DHX37: variants seen among roughly 807,000 people sequenced by gnomAD.
The protein encoded by DHX37 is probable ATP-dependent RNA helicase DHX37.
In DHX37, 52 loss-of-function variants were observed where a neutral mutation model predicts 134.3. The ratio of observed to expected loss-of-function variants is 0.39; its 90% confidence interval spans 0.31 to 0.49. DHX37 has a LOEUF of 0.49. Among genes scored for constraint, DHX37 ranks in the 20% least tolerant of loss-of-function variants. The pLI, the probability that DHX37 is intolerant of heterozygous loss-of-function variation, is 0.93. For missense variants in DHX37, 1,344 were observed against 1,580.8 expected (o/e 0.85, Z 2.54); for synonymous variants, 634 against 670.7 (o/e 0.95, Z 0.85).
Position 124,960,251 on chromosome 12 carries a change from T to C in DHX37, c.2157+61A>G, listed in dbSNP as rs1954205598. On this transcript the variant is annotated intron_variant, in intron 16 of 26. Transcript: ENST00000308736. ...CAGACCCAGCTCTGGGCTCCCTGCC[T>C]CAGGGAAAGGGAGGTGGTCCACTGG... The C allele has an allele frequency of 4.5e-6, 7 of 1,571,940 alleles. 1 individual carries two copies. In the South Asian group the frequency reaches 8.0e-5, roughly 18 times the overall value.
intron 24 of DHX37, 42 bp from the exon 25 acceptor site, chr12:124,950,101 C>T: frequency 5.0e-6 from 8 of 1,613,864 alleles, no homozygotes; most frequent in Non-Finnish European, 6.8e-6. Flanking sequence ...CGGGCTGCTG[C>T]TGCCCACGGT....
At chr12:124,967,523 G>T (rs1217241549) in intron 10 of DHX37, among the ~76,000 whole-genome samples, 1 of 152,148 alleles carries the variant, frequency 6.6e-6, no homozygotes, top group Non-Finnish European at 1.5e-5. Context: ...ACAGCGCCGC[G>T]GCTGCCCTGA....
At chr12:124,956,952 A>G (rs1954110445) in intron 17 of DHX37, 73 bp from the exon 18 acceptor site, 1 of 1,533,544 alleles carries the variant, frequency 6.5e-7, no homozygotes, top group Non-Finnish European at 8.8e-7. Flanking sequence ...CCCACGCTTG[A>G]GGCAGCTCAG....
chr12:124,963,641 G>A (rs948579053), intron 15 of DHX37, among the ~76,000 whole-genome samples: 7 of 151,586 alleles, frequency 4.6e-5, no homozygotes, highest in African/African-American at 9.7e-5. Flanking sequence ...AGGCCGAGGC[G>A]GGTGGATCAC....
At chr12:124,971,966 A>T (rs1166544368) in intron 7 of DHX37, among the ~76,000 whole-genome samples, 1 of 152,220 alleles carries the variant, frequency 6.6e-6, no homozygotes, top group East Asian at 1.9e-4. Context: ...AGTCCTTGGG[A>T]CGCAGCTTCT....
At position 124,980,403 on chromosome 12, in the gene DHX37, T is replaced by A; in HGVS notation, c.738+87A>T. The A allele has an allele frequency of 7.1e-7, 1 of 1,401,010 alleles. No individual in the cohort carries two copies. The highest frequency in any genetic ancestry group is 9.6e-7 in the Non-Finnish European group (1 of 1,036,438). 86.8% of individuals were successfully genotyped at this position (1,401,010 alleles called of 1,614,324 possible). A position where few individuals can be genotyped will look rare whatever the true frequency, so the allele number is the denominator to read the frequency against. ...GGGACATGGAGGCACAGAGAAGGGA[T>A]GCCCTTGCCCCACTTCACCAGGACG... On this transcript the variant is annotated intron_variant, in intron 4 of 26. Coordinates refer to ENST00000308736, the MANE Select transcript of DHX37 (RefSeq NM_032656.4). This position sits in a 1 kb window ranked among gnomAD's most constrained non-coding sequence, Gnocchi z 5.3.
chr12:124,960,289 C>CGGGGCTG lies in DHX37; in HGVS notation c.2157+16_2157+22dup, dbSNP rs374833555. 660 of 1,601,416 alleles carry CGGGGCTG rather than the reference C, an allele frequency of 4.1e-4. 7 individuals are homozygous for CGGGGCTG. The African/African-American group carries it at 7.8e-3, about 19-fold the overall frequency. On this transcript the variant is annotated intron_variant, in intron 16 of 26. Coordinates refer to ENST00000308736, the MANE Select transcript of DHX37 (RefSeq NM_032656.4). ...GGTGGTCCACTGGGGTGGCTGAGAG[C>CGGGGCTG]GGGGCTGGGGGCAGCAACTGACCTT...
At chr12:124,979,820 T>G (rs1249668049) in intron 4 of DHX37, among the ~76,000 whole-genome samples, 1 of 152,202 alleles carries the variant, frequency 6.6e-6, no homozygotes, top group African/African-American at 2.4e-5. Context: ...AGCAAACGTT[T>G]GTGGTGTGAA....
In DHX37 at chr12:124,947,775, T is replaced by G. The variant is rs752655133; in HGVS notation, c.*27A>C. 1 of 1,538,768 alleles carries G rather than the reference T, an allele frequency of 6.5e-7. No homozygotes were observed. The highest frequency in any genetic ancestry group is 2.3e-5 in the East Asian group (1 of 44,168). ...GCCAGCCCTCCAGTCCCCAAACCAG[T>G]CCTCGGCCCTGCAGCCAGGTTTCTG... On this transcript the variant is annotated 3_prime_UTR_variant, in exon 27 of 27. Coordinates refer to ENST00000308736, the MANE Select transcript of DHX37 (RefSeq NM_032656.4).
At position 124,968,937 on chromosome 12, in the gene DHX37, G is replaced by A; in HGVS notation, c.1223C>T (p.Ser408Leu). 1 of 1,614,100 alleles carries A rather than the reference G, an allele frequency of 6.2e-7. No homozygotes were observed. Among genetic ancestry groups the A allele is most frequent in the Non-Finnish European group, 8.5e-7 (1 of 1,180,022 alleles). The change falls in exon 9 of 27, where the codon TCG becomes TTG. Residue 408 changes from serine (S) to leucine (L), a missense_variant. This residue lies in a region of DHX37 where 289 missense variants were observed against 323.8 expected (regional missense o/e 0.89). Coordinates refer to ENST00000308736, the MANE Select transcript of DHX37 (RefSeq NM_032656.4). ...GAAGTCCTCCACCCGCAGCGTGGCC[G>A]ACATGATGAGCAGCTTGAGTGGCAG... ...RNLPLKLLIM[S>L]ATLRVEDFTQ...
intron 2 of DHX37, among the ~76,000 whole-genome samples, chr12:124,983,456 T>C (rs964567875): frequency 1.4e-4 from 18 of 130,310 alleles, no homozygotes; most frequent in African/African-American, 4.2e-4. Flanking sequence ...GAACAAGGTA[T>C]AGCACAGCGG....
At chr12:124,963,754 C>T (rs1954318800) in intron 15 of DHX37, among the ~76,000 whole-genome samples, 1 of 151,070 alleles carries the variant, frequency 6.6e-6, no homozygotes, top group Admixed American at 6.6e-5. Flanking sequence ...GTGGCAGGTG[C>T]CTGTAGTCCC....
intron 16 of DHX37, among the ~76,000 whole-genome samples, chr12:124,958,621 AT>A (rs891557552): frequency 1.1e-4 from 17 of 151,712 alleles, no homozygotes; most frequent in African/African-American, 4.1e-4. Context: ...GGCATCCATG[AT>A]TCTTTTTTTT....
rs1221862967 is a variant in DHX37, at chr12:124,949,807, C to T, written c.3290+179G>A. On this transcript the variant is annotated intron_variant, in intron 25 of 26. Transcript: ENST00000308736. The surrounding 1 kb of genome is among the most constrained non-coding windows in gnomAD (Gnocchi z 4.0). Reference sequence around the variant, plus strand: ...GCCCAGGAGGCCGACAGAGGCAAGACGGACCCTCCCCGAGAGCCGCTGCAC... The same window carrying T: ...GCCCAGGAGGCCGACAGAGGCAAGATGGACCCTCCCCGAGAGCCGCTGCAC... 6.6e-6 allele frequency among the ~76,000 whole-genome samples: 1 copy of T among 152,114 alleles called. No homozygotes were observed. The highest frequency in any genetic ancestry group is 1.5e-5 in the Non-Finnish European group (1 of 68,026).
intron 6 of DHX37, 37 bp downstream of exon 6, chr12:124,975,382 C>G: frequency 6.2e-7 from 1 of 1,604,254 alleles, no homozygotes; most frequent in Non-Finnish European, 8.5e-7. Context: ...GCCACAGGAC[C>G]ACCCCATAGT....
At chr12:124,964,108 T>C (rs983817709) in intron 15 of DHX37, among the ~76,000 whole-genome samples, 7 of 149,464 alleles carry the variant, frequency 4.7e-5, no homozygotes, top group African/African-American at 1.7e-4. Context: ...GGCAGGAGAA[T>C]TGCTTCAACG....
intron 8 of DHX37, among the ~76,000 whole-genome samples, chr12:124,970,123 C>A (rs992474750): frequency 3.9e-5 from 6 of 152,168 alleles, no homozygotes; most frequent in Non-Finnish European, 8.8e-5. Context: ...CAGGTGTGCG[C>A]CACCAGGCCT....
chr12:124,971,169 C>T, intron 8 of DHX37, 133 bp downstream of exon 8: 2 of 1,413,662 alleles, frequency 1.4e-6, no homozygotes, highest in Non-Finnish European at 1.9e-6. Flanking sequence ...CCAGGGAGAC[C>T]TTGTGCTCGG....
At chr12:124,985,963 C>T (rs1203562385) in intron 2 of DHX37, 133 bp downstream of exon 2, 4 of 1,088,992 alleles carry the variant, frequency 3.7e-6, no homozygotes, top group Non-Finnish European at 3.9e-6. Context: ...CGCACTGGAC[C>T]ATGCACTGGA....
Sources: allele counts gnomAD v4.1 joint callset (sites outside exome capture counted in the v4.1 genomes callset), GRCh38; gene constraint gnomAD v4.1.1; regional missense constraint gnomAD v4.1.1; non-coding constraint Gnocchi (gnomAD v3.1); transcripts MANE v1.5; gene names NCBI Gene and HGNC (gene_info 2026-07-23, HGNC 2026-07-21).